The following SOX5 variants were observed in gnomAD, a reference collection of about 807,000 sequenced individuals.
SOX5 encodes SRY-box transcription factor 5.
In SOX5, 9 loss-of-function variants were observed where a neutral mutation model predicts 92.0. The observed-to-expected ratio is 0.10, with a 90% CI of 0.06 to 0.17. The LOEUF (loss-of-function observed/expected upper bound fraction) is 0.17. Among genes scored for constraint, SOX5 ranks in the 10% least tolerant of loss-of-function variants. SOX5 has a pLI of 1.00. For missense variants in SOX5, 642 were observed against 944.5 expected (o/e 0.68, Z 4.20); for synonymous variants, 344 against 336.3 (o/e 1.02, Z -0.25).
rs909094378 is a variant in SOX5, at chr12:23,564,872, T to G, written c.1343-1469A>C. Reference sequence around the variant, plus strand: ...TTGCCAAAAAACATAGAATATGTTCTTGCTGCTTAAACGTTTCTATTGAAG... The same window carrying G: ...TTGCCAAAAAACATAGAATATGTTCGTGCTGCTTAAACGTTTCTATTGAAG... On this transcript the variant is annotated intron_variant, in intron 10 of 14. Transcript: ENST00000451604. 5.3e-5 allele frequency among the ~76,000 whole-genome samples: 8 copies of G among 152,214 alleles called. No homozygotes were observed. In the East Asian group the frequency reaches 9.6e-4, roughly 18 times the overall value.
chr12:24,046,568 G>A (rs770023489), intron 4 of SOX5, among the ~76,000 whole-genome samples: 4 of 151,548 alleles, frequency 2.6e-5, no homozygotes, highest in Non-Finnish European at 5.9e-5. Flanking sequence ...AGAATTATAA[G>A]AGTGCATAAA....
rs534232080 is a variant in SOX5, at chr12:23,963,887, T to C, written c.-1-67863A>G. Among the ~76,000 whole-genome samples the C allele has an allele frequency of 7.2e-5, 11 of 152,178 alleles. No homozygotes were observed. The South Asian group carries it at 2.1e-3, about 29-fold the overall frequency. On this transcript the variant is annotated intron_variant, in intron 4 of 4. Coordinates refer to the SOX5 transcript ENST00000446891. ...TAAACCAGGCTGCTAATAAACCAGTTATTAAACTAGTTATAACTAGTTAAT... is the reference window on the plus strand; with the variant it reads ...TAAACCAGGCTGCTAATAAACCAGTCATTAAACTAGTTATAACTAGTTAAT...
At chr12:23,922,620 T>G (rs1938641854) in intron 1 of SOX5, among the ~76,000 whole-genome samples, 1 of 152,186 alleles carries the variant, frequency 6.6e-6, no homozygotes, top group Non-Finnish European at 1.5e-5. Flanking sequence ...GAAAATGAGA[T>G]CCGATAGATA....
At chr12:24,095,043 T>G (rs917068693) in intron 4 of SOX5, among the ~76,000 whole-genome samples, 4 of 150,826 alleles carry the variant, frequency 2.7e-5, no homozygotes, top group Non-Finnish European at 5.9e-5. Context: ...ACAAAAAGAT[T>G]GTACATTACA....
chr12:24,499,172 C>T (rs1288007926), intron 1 of SOX5, among the ~76,000 whole-genome samples: 2 of 152,220 alleles, frequency 1.3e-5, no homozygotes, highest in East Asian at 3.8e-4. Context: ...CGTCTGTTCC[C>T]TTATCCTCAG....
chr12:24,182,416 C>A (rs1391586721), intron 4 of SOX5, among the ~76,000 whole-genome samples: 1 of 152,174 alleles, frequency 6.6e-6, no homozygotes, highest in African/African-American at 2.4e-5. Flanking sequence ...ATTTCAAGAT[C>A]AAAGCTGTAA....
intron 1 of SOX5, among the ~76,000 whole-genome samples, chr12:23,897,171 T>A (rs995264393): frequency 2.6e-5 from 4 of 152,118 alleles, no homozygotes; most frequent in Non-Finnish European, 5.9e-5. Flanking sequence ...ACCAGTGAGA[T>A]GGGAGGCAGG....
chr12:24,056,574 C>A (rs149155527), intron 4 of SOX5, among the ~76,000 whole-genome samples: 1 of 152,218 alleles, frequency 6.6e-6, no homozygotes, highest in East Asian at 1.9e-4. Context: ...TCAATTCAAT[C>A]CCATGGCTTT....
intron 1 of SOX5, among the ~76,000 whole-genome samples, chr12:24,487,505 A>G (rs1228698113): frequency 2.0e-5 from 3 of 152,200 alleles, no homozygotes; most frequent in South Asian, 4.1e-4. Flanking sequence ...ATATTCATTG[A>G]CAGGCATGAG....
intron 4 of SOX5, among the ~76,000 whole-genome samples, chr12:24,017,623 A>G (rs1211601817): frequency 6.6e-6 from 1 of 151,720 alleles, no homozygotes; most frequent in Non-Finnish European, 1.5e-5. Context: ...AAATAAAATA[A>G]CATAAAATAA....
At chr12:24,134,816 G>A (rs918203921) in intron 4 of SOX5, among the ~76,000 whole-genome samples, 2 of 152,116 alleles carry the variant, frequency 1.3e-5, no homozygotes, top group Non-Finnish European at 2.9e-5. Context: ...TTTAAACACT[G>A]AACATAAGGA....
intron 2 of SOX5, among the ~76,000 whole-genome samples, chr12:23,862,927 G>C (rs904304955): frequency 1.3e-5 from 2 of 152,136 alleles, no homozygotes; most frequent in Non-Finnish European, 2.9e-5. Flanking sequence ...TCCTAGAAGT[G>C]AATAACAGCT....
chr12:24,180,747 A>G (rs1051149459), intron 4 of SOX5, among the ~76,000 whole-genome samples: 2 of 152,366 alleles, frequency 1.3e-5, no homozygotes, highest in East Asian at 3.9e-4. Context: ...AAATATATTC[A>G]AAATTATCTG....
intron 1 of SOX5, among the ~76,000 whole-genome samples, chr12:23,941,492 C>A (rs1442651260): frequency 6.6e-6 from 1 of 151,460 alleles, no homozygotes; most frequent in Non-Finnish European, 1.5e-5. Flanking sequence ...AAAAATAATA[C>A]CTTTTCCTCT....
intron 4 of SOX5, among the ~76,000 whole-genome samples, chr12:24,057,522 G>T (rs1037485357): frequency 2.6e-5 from 4 of 152,112 alleles, no homozygotes; most frequent in Admixed American, 1.3e-4. Flanking sequence ...TCTACATGAT[G>T]TAATCGTTTT....
At chr12:24,510,395 C>G (rs1043006601) in intron 1 of SOX5, among the ~76,000 whole-genome samples, 1 of 152,204 alleles carries the variant, frequency 6.6e-6, no homozygotes, top group Non-Finnish European at 1.5e-5. Context: ...CCCTATAACA[C>G]AATCAACTGG....
At chr12:23,627,637 G>A (rs1200084146) in intron 8 of SOX5, among the ~76,000 whole-genome samples, 1 of 152,024 alleles carries the variant, frequency 6.6e-6, no homozygotes, top group Non-Finnish European at 1.5e-5. Context: ...AGGAATAACA[G>A]TATCTCATTT....
intron 7 of SOX5, among the ~76,000 whole-genome samples, chr12:23,659,100 C>CT (rs2082692719): frequency 6.6e-6 from 1 of 152,088 alleles, no homozygotes; most frequent in Non-Finnish European, 1.5e-5. Context: ...CACCAATAAC[C>CT]TGTATGTCAG....
chr12:24,552,007 G>A (rs1290491974), intron 1 of SOX5, among the ~76,000 whole-genome samples: 1 of 152,124 alleles, frequency 6.6e-6, no homozygotes, highest in East Asian at 1.9e-4. Flanking sequence ...TGTCTACTTA[G>A]TCTCCTTCAG....
Sources: allele counts gnomAD v4.1 joint callset (sites outside exome capture counted in the v4.1 genomes callset), GRCh38; gene constraint gnomAD v4.1.1; transcripts MANE v1.5; gene names NCBI Gene and HGNC (gene_info 2026-07-23, HGNC 2026-07-21).